The following DNM2 variants were observed in gnomAD, a reference collection of about 807,000 sequenced individuals.
The protein encoded by DNM2 is dynamin 2.
DNM2 carries 15 observed loss-of-function variants against 99.0 expected under a neutral mutation model. The ratio of observed to expected loss-of-function variants is 0.15; its 90% CI spans 0.10 to 0.23. The LOEUF (loss-of-function observed/expected upper bound fraction) is 0.23. Ranked by LOEUF, DNM2 falls within the 10% of genes least tolerant of loss-of-function variation. The probability of loss-of-function intolerance (pLI) is 1.00; values close to 1 mark genes in which losing one functional copy is unlikely to be tolerated. For synonymous variants in DNM2, 525 were observed against 481.2 expected, an observed-to-expected ratio of 1.09 and a Z score of -1.19; for missense variants, 742 against 1,189.4, an observed-to-expected ratio of 0.62 and a Z score of 5.53.
chr19:10,808,551 A>C lies in DNM2; in HGVS notation c.1546-18A>C, dbSNP rs1426762153. ...TCTTCCCTGATTTACCCACAACCCT[A>C]ACTTTGCATATTCAAAGGGGGAGAT... On this transcript the variant is annotated intron_variant, in intron 13 of 20. Transcript: ENST00000389253. 6 of 1,611,616 alleles carry C rather than the reference A, an allele frequency of 3.7e-6. No individual in the cohort carries two copies. The highest frequency in any genetic ancestry group is 5.1e-6 in the Non-Finnish European group (6 of 1,178,930).
chr19:10,827,266 T>C (rs189715285), intron 18 of DNM2, among the ~76,000 whole-genome samples: 46 of 152,292 alleles, frequency 3.0e-4, no homozygotes, highest in Non-Finnish European at 2.2e-4. Context: ...CCTTTGACCC[T>C]GCAAGTTTAC....
chr19:10,768,270 G>A (rs1238943598), intron 2 of DNM2, among the ~76,000 whole-genome samples: 3 of 151,992 alleles, frequency 2.0e-5, no homozygotes, highest in African/African-American at 4.8e-5. Flanking sequence ...TGGCTAACAC[G>A]GTGAAACCAT....
chr19:10,812,287 C>T lies in DNM2; in HGVS notation c.1581C>T (p.Thr527=). 6.2e-7 allele frequency: 1 copy of T among 1,607,326 alleles called. No individual in the cohort carries two copies. The highest frequency in any genetic ancestry group is 8.5e-7 in the Non-Finnish European group (1 of 1,176,650). Residue 527 remains threonine, a synonymous_variant, in exon 15 of 21, where the codon ACC becomes ACT. Coordinates refer to ENST00000389253, the MANE Select transcript of DNM2 (RefSeq NM_001005361.3). The surrounding 1 kb of genome is among the most constrained non-coding windows in gnomAD (Gnocchi z 4.0). ...AGGTGATCCGCAGGGGCTGGCTGAC[C>T]ATCAACAACATCAGCCTGATGAAAG... ...EILVIRRGWL[T]INNISLMKGG...
At chr19:10,780,202 A>G (rs531690734) in intron 5 of DNM2, 3 of 153,214 alleles carry the variant, frequency 2.0e-5, no homozygotes, top group African/African-American at 7.2e-5. Context: ...TGTCAGGGCT[A>G]AATTCAAAAC....
At chr19:10,733,044 C>A (rs2069389227) in intron 1 of DNM2, among the ~76,000 whole-genome samples, 1 of 151,952 alleles carries the variant, frequency 6.6e-6, no homozygotes, top group Admixed American at 6.6e-5. Context: ...TCACCATGCC[C>A]AGCTAATTTT....
Position 10,795,817 on chromosome 19 carries a change from G to T in DNM2, c.1196+378G>T. ...CATGAGTCCCCATCATGGCTTCCTC[G>T]TGAGCCTCTTGGGTCCCCTCCTTAT... is the stretch of plus-strand genomic sequence containing the variant. On this transcript the variant is annotated intron_variant, in intron 9 of 20. Coordinates refer to ENST00000389253, the MANE Select transcript of DNM2 (RefSeq NM_001005361.3). The surrounding 1 kb of genome is among the most constrained non-coding windows in gnomAD (Gnocchi z 4.2). 1 of 623,962 alleles carries T rather than the reference G, an allele frequency of 1.6e-6. No individual in the cohort carries two copies. The highest frequency in any genetic ancestry group is 1.9e-5 in the South Asian group (1 of 52,990). The allele number at this position is 623,962 out of a possible 1,614,324, so 38.7% of individuals were successfully genotyped here. A position where few individuals can be genotyped will look rare whatever the true frequency, so the allele number is the denominator to read the frequency against.
chr19:10,824,198 C>T (rs553335276), intron 17 of DNM2: 115 of 428,734 alleles, frequency 2.7e-4, no homozygotes, highest in Middle Eastern at 2.2e-3. Context: ...CACCCTTGGC[C>T]CCAATATTAA....
At chr19:10,720,099 G>A (rs2068886999) in intron 1 of DNM2, among the ~76,000 whole-genome samples, 1 of 151,786 alleles carries the variant, frequency 6.6e-6, no homozygotes, top group Non-Finnish European at 1.5e-5. Flanking sequence ...GGGGTGGGGG[G>A]TGTTTGCAAA....
chr19:10,757,788 C>CA (rs1019943861), intron 1 of DNM2, among the ~76,000 whole-genome samples: 14 of 151,692 alleles, frequency 9.2e-5, no homozygotes, highest in African/African-American at 2.2e-4. Flanking sequence ...ACTAAAAATA[C>CA]AAAAAAATTA....
Position 10,737,635 on chromosome 19 carries a change from G to A in DNM2, c.161+19232G>A, listed in dbSNP as rs1044961314. Reference sequence around the variant, plus strand: ...CAAGTAGCTGGGATTACAGGCGCACGTCAACATGCCCGTATATTTTTGTAT... The same window carrying A: ...CAAGTAGCTGGGATTACAGGCGCACATCAACATGCCCGTATATTTTTGTAT... On this transcript the variant is annotated intron_variant, in intron 1 of 20. Coordinates refer to ENST00000389253, the MANE Select transcript of DNM2 (RefSeq NM_001005361.3). 1.1e-4 allele frequency among the ~76,000 whole-genome samples: 17 copies of A among 152,080 alleles called. 1 individual carries two copies. Among genetic ancestry groups the A allele is most frequent in the African/African-American group, 3.9e-4 (16 of 41,410 alleles).
intron 1 of DNM2, among the ~76,000 whole-genome samples, chr19:10,727,369 T>G (rs532883118): frequency 6.6e-6 from 1 of 152,044 alleles, no homozygotes; most frequent in Non-Finnish European, 1.5e-5. Context: ...TCTTTTTCTT[T>G]TTTTGTTTTT....
intron 2 of DNM2, among the ~76,000 whole-genome samples, chr19:10,761,074 C>T (rs1289439926): frequency 1.3e-5 from 2 of 151,798 alleles, no homozygotes; most frequent in African/African-American, 4.8e-5. Flanking sequence ...CTGCAACATC[C>T]GCCTCCTGGG....
At chr19:10,822,492 T>G (rs950098987) in intron 16 of DNM2, among the ~76,000 whole-genome samples, 1 of 151,698 alleles carries the variant, frequency 6.6e-6, no homozygotes, top group Non-Finnish European at 1.5e-5. Flanking sequence ...TGCCTAAACT[T>G]TACAAAAATT....
intron 1 of DNM2, among the ~76,000 whole-genome samples, chr19:10,757,652 TTC>T (rs978559762): frequency 2.0e-5 from 3 of 152,182 alleles, no homozygotes; most frequent in East Asian, 3.9e-4. Context: ...CTGTTTGAAA[TTC>T]TCTGTGTTGG....
At chr19:10,794,344 CGTGTGTGTGT>C (rs58263525) in intron 8 of DNM2, among the ~76,000 whole-genome samples, 12 of 141,700 alleles carry the variant, frequency 8.5e-5, no homozygotes, top group East Asian at 2.1e-4. Context: ...CTTCTTTTTC[CGTGTGTGTGT>C]GTGTGTGTGT....
At chr19:10,725,445 CAAAA>C (rs35718224) in intron 1 of DNM2, among the ~76,000 whole-genome samples, 5 of 83,976 alleles carry the variant, frequency 6.0e-5, no homozygotes, top group Non-Finnish European at 7.2e-5. Flanking sequence ...GACTCCATCT[CAAAA>C]AAAAAAAAAA....
At chr19:10,779,952 C>A (rs1464542242) in intron 5 of DNM2, among the ~76,000 whole-genome samples, 1 of 152,136 alleles carries the variant, frequency 6.6e-6, no homozygotes, top group East Asian at 1.9e-4. Context: ...CCGTGCCCAG[C>A]CTTCTTTTGT....
At position 10,807,539 on chromosome 19, in the gene DNM2, C is replaced by CTTT. The variant is rs763788862; in HGVS notation, c.1546-1005_1546-1003dup. Among the ~76,000 whole-genome samples the CTTT allele has an allele frequency of 6.1e-4, 56 of 91,220 alleles. 6 individuals carry two copies. Among genetic ancestry groups the CTTT allele is most frequent in the African/African-American group, 2.2e-3 (49 of 21,926 alleles). The allele number at this position is 91,220 out of a possible 152,430, so 59.8% of individuals were successfully genotyped here. A position where few individuals can be genotyped will look rare whatever the true frequency, so the allele number is the denominator to read the frequency against. On this transcript the variant is annotated intron_variant, in intron 13 of 20. Coordinates refer to ENST00000389253, the MANE Select transcript of DNM2 (RefSeq NM_001005361.3). ...ACAAGCGTGAGCCATCACGTCCAGC[C>CTTT]TTTTTTTTTTTTTTTTTTTTTTTTT...
At chr19:10,763,900 C>T (rs530895015) in intron 2 of DNM2, among the ~76,000 whole-genome samples, 13 of 152,182 alleles carry the variant, frequency 8.5e-5, no homozygotes, top group Non-Finnish European at 1.6e-4. Context: ...GCTGGCATGG[C>T]GCCAGGCAAG....
Sources: gnomAD v4.1 joint callset for allele counts (sites outside exome capture counted in the v4.1 genomes callset) on GRCh38, gnomAD v4.1.1 for gene constraint, Gnocchi (gnomAD v3.1) non-coding constraint, MANE v1.5 for transcripts, NCBI Gene and HGNC (gene_info 2026-07-23, HGNC 2026-07-21) for gene names.